The following ANKS1B variants were observed in gnomAD, a reference collection of about 807,000 sequenced individuals.
ANKS1B encodes ankyrin repeat and sterile alpha motif domain containing 1B.
A neutral mutation model predicts 148.3 loss-of-function variants in ANKS1B; 36 were observed. The observed-to-expected ratio is 0.24, with a 90% CI of 0.19 to 0.32. ANKS1B has a LOEUF of 0.32. Among genes scored for constraint, ANKS1B ranks in the 10% least tolerant of loss-of-function variants. The pLI is 1.00. For synonymous variants in ANKS1B, 542 were observed against 560.8 expected, an observed-to-expected ratio of 0.97 and a Z score of 0.47; for missense variants, 1,157 against 1,542.6, an observed-to-expected ratio of 0.75 and a Z score of 4.19.
chr12:99,806,504 C>T lies in ANKS1B; in HGVS notation c.569G>A (p.Cys190Tyr), dbSNP rs1352485051. 6.2e-7 allele frequency: 1 copy of T among 1,613,832 alleles called. No individual in the cohort carries two copies. The highest frequency in any genetic ancestry group is 8.5e-7 in the Non-Finnish European group (1 of 1,179,876). Residue 190 changes from cysteine to tyrosine, a missense_variant, in exon 4 of 27, where the codon TGC becomes TAC. By Grantham distance (194) the Cys-to-Tyr change is radical (BLOSUM62 -2). Around this residue, in one of 6 missense-constraint regions of ANKS1B, gnomAD observed 164 missense variants for 232.6 expected, o/e 0.71. Transcript: ENST00000683438. ...AAGTGGCGTGTGCTTGCGAGTGTTG[C>T]AGCTCATTAAGTTAGGATGTGCACT... The part of the protein sequence containing the change: ...IISAHPNLMS[C>Y]NTRKHTPLHL...
intron 1 of ANKS1B, among the ~76,000 whole-genome samples, chr12:99,969,537 T>A (rs1485394854): frequency 1.3e-5 from 2 of 152,174 alleles, no homozygotes; most frequent in East Asian, 3.9e-4. Context: ...AAAATGTCTT[T>A]AGGTGATTTA....
At chr12:99,766,743 C>T (rs749307946) in intron 8 of ANKS1B, among the ~76,000 whole-genome samples, 7 of 152,086 alleles carry the variant, frequency 4.6e-5, no homozygotes, top group Non-Finnish European at 7.4e-5. Flanking sequence ...TTTAGCACCA[C>T]TATAAAAAAT....
intron 8 of ANKS1B, among the ~76,000 whole-genome samples, chr12:99,762,554 G>A (rs2062234289): frequency 6.6e-6 from 1 of 152,084 alleles, no homozygotes; most frequent in African/African-American, 2.4e-5. Context: ...AGATTTAGAT[G>A]TAAGACCTCA....
chr12:98,751,556 C>T lies in ANKS1B; in HGVS notation c.3580-34G>A, dbSNP rs115108330. ...AAAATGAGAAAGCATTTGCTACTGG[C>T]ACACTGCAAATTAGAATGGGTCGAA... On this transcript the variant is annotated intron_variant, in intron 25 of 26. Coordinates refer to ENST00000683438, the MANE Select transcript of ANKS1B (RefSeq NM_001352186.2). This position sits in a 1 kb window ranked among gnomAD's most constrained non-coding sequence, Gnocchi z 4.3. 11 of 1,607,658 alleles carry T rather than the reference C, an allele frequency of 6.8e-6. No individual in the cohort carries two copies. The South Asian group carries it at 1.1e-4, about 16-fold the overall frequency.
intron 14 of ANKS1B, among the ~76,000 whole-genome samples, chr12:99,225,740 G>A: frequency 6.6e-6 from 1 of 152,234 alleles, no homozygotes. Context: ...CCAGTGATTT[G>A]CTAGGGGCTC....
At chr12:99,828,138 G>A (rs2083441741) in intron 1 of ANKS1B, among the ~76,000 whole-genome samples, 1 of 152,070 alleles carries the variant, frequency 6.6e-6, no homozygotes, top group Non-Finnish European at 1.5e-5. Context: ...TAAATACTAC[G>A]ACATTGGTTG....
chr12:99,692,409 G>A (rs1396404281), intron 8 of ANKS1B, among the ~76,000 whole-genome samples: 1 of 152,116 alleles, frequency 6.6e-6, no homozygotes, highest in Non-Finnish European at 1.5e-5. Context: ...AGTGGCTCAT[G>A]CCTGTAATCC....
chr12:99,226,416 G>T (rs1317233224), intron 14 of ANKS1B, among the ~76,000 whole-genome samples: 1 of 152,156 alleles, frequency 6.6e-6, no homozygotes, highest in Non-Finnish European at 1.5e-5. Flanking sequence ...CACATTTGGT[G>T]TGATCCAAAG....
intron 1 of ANKS1B, among the ~76,000 whole-genome samples, chr12:99,962,001 C>T (rs542761100): frequency 5.9e-5 from 9 of 152,204 alleles, no homozygotes; most frequent in African/African-American, 1.7e-4. Flanking sequence ...GTAGAAATCA[C>T]GATCTCTTTA....
At chr12:99,120,553 G>A (rs1356177823) in intron 15 of ANKS1B, among the ~76,000 whole-genome samples, 1 of 152,208 alleles carries the variant, frequency 6.6e-6, no homozygotes, top group Non-Finnish European at 1.5e-5. Flanking sequence ...TTAGAAACCA[G>A]ATATTCAATG....
chr12:98,994,534 G>A (rs528897013), intron 17 of ANKS1B, among the ~76,000 whole-genome samples: 4 of 152,296 alleles, frequency 2.6e-5, no homozygotes, highest in Admixed American at 2.0e-4. Context: ...GGAGAGAATC[G>A]CTTGAACCCA....
intron 17 of ANKS1B, among the ~76,000 whole-genome samples, chr12:98,984,663 G>A (rs145547721): frequency 7.6e-4 from 116 of 152,110 alleles, no homozygotes; most frequent in Middle Eastern, 3.4e-3. Context: ...TTCTTAGTCC[G>A]CACTGACAGC....
At chr12:98,884,820 A>G (rs1254147927) in intron 17 of ANKS1B, among the ~76,000 whole-genome samples, 1 of 151,304 alleles carries the variant, frequency 6.6e-6, no homozygotes, top group Admixed American at 6.6e-5. Flanking sequence ...AAAAAAAAAA[A>G]AAAAAGAAAC....
At chr12:99,316,193 G>T (rs1265392954) in intron 12 of ANKS1B, among the ~76,000 whole-genome samples, 1 of 152,118 alleles carries the variant, frequency 6.6e-6, no homozygotes, top group Non-Finnish European at 1.5e-5. Context: ...CCCAGTAATG[G>T]GATTGCTGGG....
At chr12:99,431,031 G>C (rs1406370092) in intron 11 of ANKS1B, among the ~76,000 whole-genome samples, 1 of 152,154 alleles carries the variant, frequency 6.6e-6, no homozygotes, top group Non-Finnish European at 1.5e-5. Context: ...ATTCCTCCCA[G>C]TGTCTAATAT....
At chr12:99,369,946 C>T (rs1158414729) in intron 12 of ANKS1B, among the ~76,000 whole-genome samples, 5 of 140,794 alleles carry the variant, frequency 3.6e-5, no homozygotes, top group African/African-American at 7.4e-5. Flanking sequence ...GATGGGCATA[C>T]GTTAATTACA....
intron 8 of ANKS1B, among the ~76,000 whole-genome samples, chr12:99,702,726 G>GAGGCAGAGTTTCCCTATGTTGCC (rs1555555185): frequency 6.0e-5 from 7 of 116,564 alleles, no homozygotes; most frequent in South Asian, 2.6e-4. Context: ...TTTTTTTTTT[G>GAGGCAGAGTTTCCCTATGTTGCC]TAGAGGCAGA....
chr12:99,659,514 A>T (rs2153451127), intron 8 of ANKS1B, among the ~76,000 whole-genome samples: 1 of 152,348 alleles, frequency 6.6e-6, no homozygotes, highest in South Asian at 2.1e-4. Flanking sequence ...ATTGAAAAAC[A>T]GTCACAATAA....
chr12:98,934,678 C>T lies in ANKS1B; in HGVS notation c.2779-102542G>A, dbSNP rs1360083274. On this transcript the variant is annotated intron_variant, in intron 17 of 26. Transcript: ENST00000683438. ...TTTGTAGTTTTCAGTCTGCTTTCAA[C>T]TTCTTAGTTGAGTTTATTTCTAGAT... Among the ~76,000 whole-genome samples, 4 of 151,888 alleles carry T rather than the reference C, an allele frequency of 2.6e-5. No individual in the cohort carries two copies. The South Asian group carries it at 8.3e-4, about 32-fold the overall frequency.
Sources: gnomAD v4.1 joint callset for allele counts (sites outside exome capture counted in the v4.1 genomes callset) on GRCh38, gnomAD v4.1.1 for gene constraint, gnomAD v4.1.1 regional missense constraint, Gnocchi (gnomAD v3.1) non-coding constraint, MANE v1.5 for transcripts, NCBI Gene and HGNC (gene_info 2026-07-23, HGNC 2026-07-21) for gene names.